The following PTPRG variants were observed in gnomAD, a reference collection of about 807,000 sequenced individuals.
The protein encoded by PTPRG is receptor-type tyrosine-protein phosphatase gamma.
In PTPRG, 102 loss-of-function variants were observed where a neutral mutation model predicts 165.3. The ratio of observed to expected loss-of-function variants is 0.62; its 90% CI spans 0.53 to 0.73. The LOEUF (loss-of-function observed/expected upper bound fraction) is 0.73, where lower values mean the gene tolerates loss of function less well. Among genes scored for constraint, PTPRG ranks in the 30% least tolerant of loss-of-function variants. PTPRG has a pLI of 0.00. For missense variants in PTPRG, 1,866 were observed against 1,861.4 expected, an observed-to-expected ratio of 1.00 and a Z score of -0.05; for synonymous variants, 675 against 669.5, an observed-to-expected ratio of 1.01 and a Z score of -0.13.
intron 1 of PTPRG, among the ~76,000 whole-genome samples, chr3:61,674,221 C>G (rs1703138561): frequency 6.6e-6 from 1 of 151,688 alleles, no homozygotes; most frequent in Non-Finnish European, 1.5e-5. Context: ...ATGAGAAAAG[C>G]CTATTGAATG....
At chr3:61,768,690 T>C (rs1011523521) in intron 2 of PTPRG, among the ~76,000 whole-genome samples, 1 of 152,180 alleles carries the variant, frequency 6.6e-6, no homozygotes. Flanking sequence ...CCACTCTTAA[T>C]AGAATTGGAA....
intron 2 of PTPRG, among the ~76,000 whole-genome samples, chr3:61,897,401 T>A (rs2038386909): frequency 6.6e-6 from 1 of 152,258 alleles, no homozygotes; most frequent in Non-Finnish European, 1.5e-5. Flanking sequence ...TGAGCATATT[T>A]GTTTGAGTCT....
chr3:61,736,155 G>A (rs1021126723), intron 1 of PTPRG, among the ~76,000 whole-genome samples: 1 of 151,658 alleles, frequency 6.6e-6, no homozygotes, highest in African/African-American at 2.4e-5. Context: ...CAATCCGCCT[G>A]CCTCAGCCTC....
chr3:61,592,646 TTTC>T lies in PTPRG; in HGVS notation c.85+30277_85+30279del, dbSNP rs368376208. On this transcript the variant is annotated intron_variant, in intron 1 of 29. Transcript: ENST00000474889. ...CTCTCTCTTTTTCTTTCTTTCTTTC[TTTC>T]TTTTTTTTTTTTTTTAAGAAAGGGG... Among the ~76,000 whole-genome samples, 1,442 of 148,888 alleles carry T rather than the reference TTTC, an allele frequency of 9.7e-3. 30 individuals carry two copies. The highest frequency in any genetic ancestry group is 0.034 in the African/African-American group (1,365 of 39,824).
intron 7 of PTPRG, among the ~76,000 whole-genome samples, chr3:62,161,845 A>G (rs1704775771): frequency 6.6e-6 from 1 of 152,194 alleles, no homozygotes; most frequent in African/African-American, 2.4e-5. Flanking sequence ...TTGTTTAATA[A>G]GGAGGCAACA....
chr3:61,674,983 A>G (rs1380425767), intron 1 of PTPRG, among the ~76,000 whole-genome samples: 1 of 152,214 alleles, frequency 6.6e-6, no homozygotes, highest in East Asian at 1.9e-4. Context: ...GTTAAAATAA[A>G]TTAGAACAGG....
At chr3:62,170,570 C>T (rs1275326252) in intron 8 of PTPRG, among the ~76,000 whole-genome samples, 4 of 152,150 alleles carry the variant, frequency 2.6e-5, no homozygotes, top group South Asian at 2.1e-4. Context: ...AAAGTAGGCA[C>T]GATCTTCCAC....
chr3:62,274,376 A>T (rs1433951356), intron 23 of PTPRG, among the ~76,000 whole-genome samples: 1 of 152,172 alleles, frequency 6.6e-6, no homozygotes. Context: ...TAAGGTTTAT[A>T]TGGAATTGAC....
intron 28 of PTPRG, among the ~76,000 whole-genome samples, chr3:62,290,033 A>G (rs530267849): frequency 2.8e-4 from 42 of 152,212 alleles, no homozygotes; most frequent in African/African-American, 5.1e-4. Context: ...ACCGGATACA[A>G]TTTCACCATG....
At chr3:61,637,889 T>TTCA (rs1447112276) in intron 1 of PTPRG, among the ~76,000 whole-genome samples, 1 of 151,618 alleles carries the variant, frequency 6.6e-6, no homozygotes, top group Non-Finnish European at 1.5e-5. Context: ...AGCATAGCCA[T>TTCA]CTTACCATTC....
intron 1 of PTPRG, among the ~76,000 whole-genome samples, chr3:61,719,404 AGT>A (rs2031953971): frequency 1.3e-5 from 2 of 151,950 alleles, no homozygotes; most frequent in Non-Finnish European, 2.9e-5. Context: ...TTCTTGCTAA[AGT>A]GTGTGGGGAG....
chr3:61,823,652 T>G (rs1365557356), intron 2 of PTPRG, among the ~76,000 whole-genome samples: 1 of 152,106 alleles, frequency 6.6e-6, no homozygotes, highest in Non-Finnish European at 1.5e-5. Flanking sequence ...ATTTATATAT[T>G]TTTTAATTTT....
chr3:62,182,024 G>A (rs1384512319), intron 8 of PTPRG, among the ~76,000 whole-genome samples: 1 of 152,108 alleles, frequency 6.6e-6, no homozygotes, highest in Admixed American at 6.5e-5. Context: ...TGTATTATAT[G>A]CTATATTCTC....
At chr3:62,064,863 G>T (rs897634248) in intron 4 of PTPRG, among the ~76,000 whole-genome samples, 5 of 151,142 alleles carry the variant, frequency 3.3e-5, no homozygotes, top group Non-Finnish European at 7.4e-5. Flanking sequence ...CTCCCGAGTA[G>T]CGTGATTACA....
chr3:61,773,782 T>G (rs2034284409), intron 2 of PTPRG, among the ~76,000 whole-genome samples: 1 of 151,670 alleles, frequency 6.6e-6, no homozygotes, highest in East Asian at 1.9e-4. Flanking sequence ...CCATTGACTT[T>G]TTTTTTTTTT....
chr3:62,199,191 C>T (rs759623242), intron 10 of PTPRG, among the ~76,000 whole-genome samples: 12 of 152,194 alleles, frequency 7.9e-5, no homozygotes, highest in Non-Finnish European at 1.5e-4. Context: ...AAGTATTGAT[C>T]TTTGAGCAGC....
chr3:62,102,938 T>C (rs1702341436), intron 5 of PTPRG, among the ~76,000 whole-genome samples: 1 of 152,212 alleles, frequency 6.6e-6, no homozygotes, highest in Admixed American at 6.5e-5. Flanking sequence ...TTTTAGCTTG[T>C]TCCTCTAGAT....
chr3:61,996,562 A>G (rs1267888209), intron 3 of PTPRG, among the ~76,000 whole-genome samples: 1 of 152,204 alleles, frequency 6.6e-6, no homozygotes, highest in Non-Finnish European at 1.5e-5. Context: ...GGCCCTTGGC[A>G]TTGTTTATAT....
chr3:62,039,606 G>T (rs568649613), intron 4 of PTPRG, among the ~76,000 whole-genome samples: 1 of 152,160 alleles, frequency 6.6e-6, no homozygotes, highest in Non-Finnish European at 1.5e-5. Flanking sequence ...GGGAGTCTAT[G>T]TACAGAACTA....
Sources: allele counts gnomAD v4.1 joint callset (sites outside exome capture counted in the v4.1 genomes callset), GRCh38; gene constraint gnomAD v4.1.1; transcripts MANE v1.5; gene names NCBI Gene and HGNC (gene_info 2026-07-23, HGNC 2026-07-21).